PDE4D: variants seen among roughly 807,000 people sequenced by gnomAD.
PDE4D encodes 3',5'-cyclic-AMP phosphodiesterase 4D.
In PDE4D, 24 loss-of-function variants were observed where a neutral mutation model predicts 87.4. The observed-to-expected ratio is 0.27, with a 90% CI of 0.20 to 0.39. The LOEUF (loss-of-function observed/expected upper bound fraction) is 0.39, where lower values mean the gene tolerates loss of function less well. Among genes scored for constraint, PDE4D ranks in the 10% least tolerant of loss-of-function variants. The pLI, the probability that PDE4D is intolerant of heterozygous loss-of-function variation, is 1.00. For synonymous variants in PDE4D, 384 were observed against 383.2 expected, an observed-to-expected ratio of 1.00 and a Z score of -0.02; for missense variants, 714 against 1,041.0, an observed-to-expected ratio of 0.69 and a Z score of 4.32.
intron 1 of PDE4D, among the ~76,000 whole-genome samples, chr5:59,821,202 C>T (rs1203518225): frequency 6.6e-6 from 1 of 152,042 alleles, no homozygotes; most frequent in Non-Finnish European, 1.5e-5. Context: ...CACTGCACTC[C>T]AGCCTCAGTG....
intron 1 of PDE4D, among the ~76,000 whole-genome samples, chr5:59,432,403 T>C (rs570216139): frequency 6.6e-6 from 1 of 152,260 alleles, no homozygotes; most frequent in South Asian, 2.1e-4. Context: ...GACGGACATA[T>C]AATTTTGGAC....
intron 1 of PDE4D, among the ~76,000 whole-genome samples, chr5:60,242,397 T>G (rs1040035290): frequency 1.3e-5 from 2 of 152,082 alleles, no homozygotes; most frequent in Non-Finnish European, 2.9e-5. Flanking sequence ...CAGCCCACTT[T>G]CGTCATAGGA....
chr5:60,183,937 G>A (rs1376770962), intron 2 of PDE4D, among the ~76,000 whole-genome samples: 2 of 152,076 alleles, frequency 1.3e-5, no homozygotes, highest in Admixed American at 6.5e-5. Flanking sequence ...TTAAGTGGAA[G>A]CATTTTCTTT....
At chr5:59,463,477 G>T (rs910147736) in intron 1 of PDE4D, among the ~76,000 whole-genome samples, 1 of 152,126 alleles carries the variant, frequency 6.6e-6, no homozygotes, top group African/African-American at 2.4e-5. Context: ...TTCCCATGAT[G>T]TTTCTAGGAT....
chr5:59,305,069 C>G (rs1561920374), intron 1 of PDE4D, among the ~76,000 whole-genome samples: 1 of 152,192 alleles, frequency 6.6e-6, no homozygotes, highest in East Asian at 1.9e-4. Context: ...TTCAATCTCT[C>G]TGCTTGTTAT....
Position 60,194,283 on chromosome 5 carries a change from C to T in PDE4D, c.-89-8596G>A, listed in dbSNP as rs139195452. Reference sequence around the variant, plus strand: ...CCTCCATATCACAAAATCTAACAAACTTTTCACAAATTATCTGACTAGAAC... The same window carrying T: ...CCTCCATATCACAAAATCTAACAAATTTTTCACAAATTATCTGACTAGAAC... On this transcript the variant is annotated intron_variant, in intron 1 of 16. Coordinates refer to the PDE4D transcript ENST00000502484. Among the ~76,000 whole-genome samples the T allele has an allele frequency of 2.4e-3, 369 of 151,798 alleles. 3 individuals carry two copies. The highest frequency in any genetic ancestry group is 8.0e-3 in the African/African-American group (333 of 41,490).
intron 1 of PDE4D, among the ~76,000 whole-genome samples, chr5:59,839,622 G>A (rs1329710835): frequency 6.6e-6 from 1 of 151,982 alleles, no homozygotes; most frequent in East Asian, 1.9e-4. Context: ...ATGCAGTGTT[G>A]CTTTAGACTG....
Position 60,474,105 on chromosome 5 carries a change from C to CATATATATATGTAT in PDE4D, c.-90+13836_-90+13837insATACATATATATAT, listed in dbSNP as rs1748084049. 9.7e-5 allele frequency among the ~76,000 whole-genome samples: 3 copies of CATATATATATGTAT among 31,002 alleles called. No individual in the cohort carries two copies. In the South Asian group the frequency reaches 4.6e-3, roughly 47 times the overall value. 20.3% of individuals were successfully genotyped at this position (31,002 alleles called of 152,430 possible). A position where few individuals can be genotyped will look rare whatever the true frequency, so the allele number is the denominator to read the frequency against. ...TACTGTCTCAGTCCCTTTGAGCTGC[C>CATATATATATGTAT]ATATATATATATATATATATATATA... is the stretch of plus-strand genomic sequence containing the variant. On this transcript the variant is annotated intron_variant, in intron 1 of 16. Coordinates refer to the PDE4D transcript ENST00000502484.
intron 1 of PDE4D, among the ~76,000 whole-genome samples, chr5:60,484,618 C>T (rs1189474820): frequency 6.6e-6 from 1 of 152,072 alleles, no homozygotes; most frequent in African/African-American, 2.4e-5. Context: ...ATTTTTAATA[C>T]TCAAGTAATA....
intron 1 of PDE4D, among the ~76,000 whole-genome samples, chr5:59,840,945 G>A (rs147480801): frequency 3.3e-5 from 5 of 152,050 alleles, no homozygotes; most frequent in African/African-American, 1.2e-4. Flanking sequence ...TTCACTCAAT[G>A]AAAGAATCAA....
chr5:59,646,084 T>A (rs988152775), intron 1 of PDE4D, among the ~76,000 whole-genome samples: 1 of 152,252 alleles, frequency 6.6e-6, no homozygotes, highest in Non-Finnish European at 1.5e-5. Context: ...GTTAATTTTA[T>A]AAATTTTGTT....
intron 2 of PDE4D, among the ~76,000 whole-genome samples, chr5:59,208,623 T>G (rs879828118): frequency 1.4e-5 from 2 of 142,586 alleles, no homozygotes; most frequent in Admixed American, 1.4e-4. Flanking sequence ...TTCATTTTTA[T>G]GATTTTTTTG....
rs558040936 is a variant in PDE4D at position 59,615,259 on chromosome 5, TG to T, written c.455+277908del. 2.7e-3 allele frequency among the ~76,000 whole-genome samples: 406 copies of T among 152,300 alleles called. 2 individuals carry two copies. The highest frequency in any genetic ancestry group is 4.6e-3 in the Admixed American group (70 of 15,296). ...TCATGAATCAAACAGTAAGGTTTCC[TG>T]GGATATATTAGACAAAACAAAATTG... On this transcript the variant is annotated intron_variant, in intron 1 of 14. Coordinates refer to ENST00000340635, the MANE Select transcript of PDE4D (RefSeq NM_001104631.2).
At chr5:60,494,881 A>G (rs574190214) in intron 1 of PDE4D, among the ~76,000 whole-genome samples, 33 of 152,294 alleles carry the variant, frequency 2.2e-4, no homozygotes, top group African/African-American at 7.7e-4. Context: ...CCTGCATATC[A>G]GCTACCTTCC....
intron 2 of PDE4D, among the ~76,000 whole-genome samples, chr5:60,157,998 C>A (rs1385666820): frequency 2.0e-5 from 3 of 150,810 alleles, no homozygotes; most frequent in African/African-American, 7.3e-5. Flanking sequence ...ATAGAATATC[C>A]TATATCCTAT....
chr5:59,616,120 T>C (rs1579870941), intron 1 of PDE4D, among the ~76,000 whole-genome samples: 1 of 149,000 alleles, frequency 6.7e-6, no homozygotes, highest in Admixed American at 6.7e-5. Context: ...CCCTCCCCCC[T>C]TCCCCCACCC....
At chr5:59,069,431 G>A (rs530058326) in intron 5 of PDE4D, among the ~76,000 whole-genome samples, 1 of 151,950 alleles carries the variant, frequency 6.6e-6, no homozygotes, top group African/African-American at 2.4e-5. Context: ...TCGTACCAGC[G>A]TCCTAACATT....
At chr5:60,035,995 CAT>C (rs1767753212) in intron 2 of PDE4D, among the ~76,000 whole-genome samples, 1 of 152,148 alleles carries the variant, frequency 6.6e-6, no homozygotes, top group Non-Finnish European at 1.5e-5. Flanking sequence ...TTTGCTTAGA[CAT>C]ATAGAATTTA....
intron 1 of PDE4D, among the ~76,000 whole-genome samples, chr5:59,321,493 G>A (rs569756670): frequency 3.1e-4 from 47 of 152,156 alleles, no homozygotes; most frequent in African/African-American, 1.1e-3. Flanking sequence ...TCATCTTCTT[G>A]CCTTTGTGTT....
Sources: gnomAD v4.1 joint callset for allele counts (sites outside exome capture counted in the v4.1 genomes callset) on GRCh38, gnomAD v4.1.1 for gene constraint, MANE v1.5 for transcripts, NCBI Gene and HGNC (gene_info 2026-07-23, HGNC 2026-07-21) for gene names.